The following PSD3 variants were observed in gnomAD, a reference collection of about 807,000 sequenced individuals.
PSD3 encodes PH and SEC7 domain-containing protein 3.
Under a neutral mutation model 105.5 loss-of-function variants are expected in PSD3, and 49 were observed. The observed-to-expected ratio is 0.46, with a 90% CI of 0.37 to 0.59. PSD3 has a LOEUF of 0.59. PSD3 is among the 20% of genes least tolerant of loss of function. PSD3 has a pLI of 0.00. For missense variants in PSD3, 1,561 were observed against 1,263.8 expected, an observed-to-expected ratio of 1.24 and a Z score of -3.57; for synonymous variants, 557 against 457.8, an observed-to-expected ratio of 1.22 and a Z score of -2.77.
intron 9 of PSD3, among the ~76,000 whole-genome samples, chr8:18,747,967 G>A (rs1244904685): frequency 6.6e-6 from 1 of 152,156 alleles, no homozygotes; most frequent in East Asian, 1.9e-4. Flanking sequence ...GGTTTGGAAA[G>A]ACTACGGAAG....
chr8:18,983,078 A>G (rs1477987985), intron 1 of PSD3, among the ~76,000 whole-genome samples: 1 of 152,210 alleles, frequency 6.6e-6, no homozygotes, highest in East Asian at 1.9e-4. Context: ...GATCTTCTGA[A>G]TAACTTGATG....
At chr8:18,543,254 C>A (rs1395057408) in intron 15 of PSD3, among the ~76,000 whole-genome samples, 1 of 151,750 alleles carries the variant, frequency 6.6e-6, no homozygotes, top group Non-Finnish European at 1.5e-5. Flanking sequence ...CAGTGTGTAA[C>A]CCCTCCTTAT....
Position 18,867,753 on chromosome 8 carries a change from T to C in PSD3, c.1555A>G (p.Ser519Gly). The change falls in exon 4 of 16, where the codon AGT (serine) becomes GGT (glycine). Residue 519 changes from serine (S) to glycine (G), a missense_variant. Coordinates refer to ENST00000327040, the MANE Select transcript of PSD3 (RefSeq NM_015310.4). The part of the protein sequence containing the change: ...ADGGIVMGYS[S>G]GVTNGLNDAS... ...TCATTCAGCCCATTGGTGACGCCAC[T>C]AGAATAGCCCATCACGATGCCACCA... 6.2e-7 allele frequency: 1 copy of C among 1,613,180 alleles called. No individual in the cohort carries two copies. Among genetic ancestry groups the C allele is most frequent in the Non-Finnish European group, 8.5e-7 (1 of 1,179,486 alleles).
At chr8:18,668,076 C>T (rs57975552) in intron 9 of PSD3, among the ~76,000 whole-genome samples, 11,096 of 152,278 alleles carry the variant, frequency 0.073, 610 homozygotes, top group East Asian at 0.2. Flanking sequence ...CTGCACACCT[C>T]CCAGCAAGCT....
In PSD3 at chr8:18,533,776, T is replaced by G. The variant is rs1047366086; in HGVS notation, c.*1967A>C. On this transcript the variant is annotated 3_prime_UTR_variant, in exon 16 of 16. Transcript: ENST00000327040. ...TCAGGTAGAAAGACAGATAACTTGC[T>G]TGTGGATATGTTGGATTCAGTGAGA... is the stretch of plus-strand genomic sequence containing the variant. The G allele has an allele frequency of 2.6e-5, 4 of 152,222 alleles. No homozygotes were observed. Among genetic ancestry groups the G allele is most frequent in the Non-Finnish European group, 4.4e-5 (3 of 68,028 alleles). 9.4% of individuals were successfully genotyped at this position (152,222 alleles called of 1,614,324 possible). A position where few individuals can be genotyped will look rare whatever the true frequency, so the allele number is the denominator to read the frequency against.
intron 2 of PSD3, among the ~76,000 whole-genome samples, chr8:18,902,703 T>C (rs1819586039): frequency 6.6e-6 from 1 of 152,214 alleles, no homozygotes; most frequent in African/African-American, 2.4e-5. Context: ...ACTGTGCTGG[T>C]TGGAAAGAAT....
At chr8:18,607,976 G>C (rs1024047837) in intron 11 of PSD3, among the ~76,000 whole-genome samples, 8 of 152,182 alleles carry the variant, frequency 5.3e-5, no homozygotes, top group Admixed American at 6.5e-5. Flanking sequence ...CATGAGAACA[G>C]CATGAGAGTA....
chr8:18,989,797 C>T (rs527950566), intron 1 of PSD3, among the ~76,000 whole-genome samples: 2 of 152,300 alleles, frequency 1.3e-5, no homozygotes, highest in Middle Eastern at 6.8e-3. Flanking sequence ...ATATGCCCAA[C>T]CAAGTGGCTA....
At chr8:18,689,815 G>T (rs943108313) in intron 9 of PSD3, among the ~76,000 whole-genome samples, 1 of 152,110 alleles carries the variant, frequency 6.6e-6, no homozygotes, top group African/African-American at 2.4e-5. Flanking sequence ...TTGTTTCCTA[G>T]ACTATTCATT....
intron 1 of PSD3, among the ~76,000 whole-genome samples, chr8:18,957,806 C>T (rs908403118): frequency 5.9e-5 from 9 of 152,134 alleles, no homozygotes; most frequent in African/African-American, 2.2e-4. Flanking sequence ...ATAATGAATG[C>T]ACTTGTGGGT....
intron 3 of PSD3, among the ~76,000 whole-genome samples, chr8:18,871,086 A>G (rs990428655): frequency 6.6e-6 from 1 of 152,184 alleles, no homozygotes; most frequent in African/African-American, 2.4e-5. Context: ...GGGACAGAAC[A>G]AGACCCTGTC....
chr8:18,977,473 A>G (rs964026293), intron 1 of PSD3, among the ~76,000 whole-genome samples: 9 of 152,068 alleles, frequency 5.9e-5, no homozygotes, highest in African/African-American at 1.9e-4. Context: ...CAGCCAACTA[A>G]TGTTATTTGC....
chr8:18,844,899 T>A (rs1814957081), intron 4 of PSD3, among the ~76,000 whole-genome samples: 1 of 152,142 alleles, frequency 6.6e-6, no homozygotes, highest in South Asian at 2.1e-4. Flanking sequence ...CCGAAACAAG[T>A]GTTTCATACA....
intron 14 of PSD3, among the ~76,000 whole-genome samples, chr8:18,565,414 T>G (rs1190608295): frequency 3.3e-5 from 5 of 152,170 alleles, no homozygotes; most frequent in Admixed American, 3.3e-4. Context: ...AGAAGGCGAC[T>G]CCTCCTACAC....
chr8:18,791,111 G>A (rs1224679528), intron 8 of PSD3, among the ~76,000 whole-genome samples: 2 of 152,146 alleles, frequency 1.3e-5, no homozygotes, highest in Non-Finnish European at 2.9e-5. Flanking sequence ...CATGCTTACA[G>A]AAGACTGGAA....
intron 1 of PSD3, among the ~76,000 whole-genome samples, chr8:18,938,145 C>A (rs1338713624): frequency 6.6e-6 from 1 of 152,162 alleles, no homozygotes; most frequent in African/African-American, 2.4e-5. Context: ...TTCATTTACA[C>A]TTTTAAAAGA....
At chr8:18,708,548 T>C (rs997638039) in intron 9 of PSD3, among the ~76,000 whole-genome samples, 1 of 152,158 alleles carries the variant, frequency 6.6e-6, no homozygotes, top group Non-Finnish European at 1.5e-5. Context: ...TGTCTCTCCG[T>C]GTTTTTCCAA....
In PSD3 at chr8:18,872,443, T is replaced by C. The variant is rs546750894; in HGVS notation, c.421A>G (p.Thr141Ala). 72 of 1,614,210 alleles carry C rather than the reference T, an allele frequency of 4.5e-5. 1 individual carries two copies. In the South Asian group the frequency reaches 7.7e-4, roughly 17 times the overall value. The change falls in exon 3 of 16, where the codon ACA (threonine) becomes GCA (alanine). Residue 141 changes from threonine (T) to alanine (A), a missense_variant. Transcript: ENST00000327040. ...GTTCCGGAAATGATTCTGGCTTCTGTGGCTTTCAGAGCTGAAATCAAAGAG... is the reference window on the plus strand; with the variant it reads ...GTTCCGGAAATGATTCTGGCTTCTGCGGCTTTCAGAGCTGAAATCAAAGAG... ...IDSLISALKA[T>A]EARIISGTLQ...
chr8:18,781,062 G>A (rs578084089), intron 8 of PSD3, among the ~76,000 whole-genome samples: 12 of 151,818 alleles, frequency 7.9e-5, no homozygotes, highest in Middle Eastern at 3.4e-3. Flanking sequence ...TTTTTTGTTT[G>A]TTCTGCTTTT....
Sources: gnomAD v4.1 joint callset for allele counts (sites outside exome capture counted in the v4.1 genomes callset) on GRCh38, gnomAD v4.1.1 for gene constraint, MANE v1.5 for transcripts, NCBI Gene and HGNC (gene_info 2026-07-23, HGNC 2026-07-21) for gene names.